Variants in GAL3ST2 observed in about 807,000 individuals in gnomAD.
The protein encoded by GAL3ST2 is beta-galactose-3-O-sulfotransferase 2.
A neutral mutation model predicts 12.9 loss-of-function variants in GAL3ST2; 16 were observed. That is an observed-to-expected ratio of 1.24 (90% confidence interval 0.84 to 1.88). The LOEUF (loss-of-function observed/expected upper bound fraction) is 1.88. Among genes scored for constraint, GAL3ST2 ranks in the 40% most tolerant of loss-of-function variants. The probability of loss-of-function intolerance (pLI) is 0.00; values close to 1 mark genes in which losing one functional copy is unlikely to be tolerated. For synonymous variants in GAL3ST2, 302 were observed against 273.9 expected (o/e 1.10, Z -1.01); for missense variants, 639 against 571.8 (o/e 1.12, Z -1.20).
In GAL3ST2 at chr2:241,803,500, C is replaced by A. The variant is rs748382864; in HGVS notation, c.531C>A (p.Phe177Leu). 3.7e-6 allele frequency: 6 copies of A among 1,611,574 alleles called. No homozygotes were observed. Among genetic ancestry groups the A allele is most frequent in the Non-Finnish European group, 5.1e-6 (6 of 1,179,294 alleles). ...LDAFLASPRT[F>L]YNDSRHLRNV... is the part of the protein sequence containing the mutation. ...CGTTCCTGGCCTCGCCGCGGACGTT[C>A]TACAACGACAGCCGCCACCTCAGGA... is the stretch of plus-strand genomic sequence containing the variant. Residue 177 changes from phenylalanine (F) to leucine (L), a missense_variant, in exon 4 of 4, where the codon TTC becomes TTA. Transcript: ENST00000192314.
intron 1 of GAL3ST2, among the ~76,000 whole-genome samples, chr2:241,781,829 TA>T: frequency 6.6e-6 from 1 of 152,374 alleles, no homozygotes; most frequent in African/African-American, 2.4e-5. Context: ...ACGTAATTTA[TA>T]ATTTGATTTT....
chr2:241,789,717 G>A (rs1468307921), intron 1 of GAL3ST2, among the ~76,000 whole-genome samples: 1 of 152,132 alleles, frequency 6.6e-6, no homozygotes, highest in African/African-American at 2.4e-5. Context: ...CCCCGTCCCG[G>A]GGCATGGTGG....
Position 241,795,641 on chromosome 2 carries a change from C to G in GAL3ST2, c.30-3424C>G, listed in dbSNP as rs1699764119. ...CTGCCCTTCCCACCTCGTGCAGCCA[C>G]TCTCCCGGGGAGGGTCTTGGGAAGT... On this transcript the variant is annotated intron_variant, in intron 1 of 3. Coordinates refer to ENST00000192314, the MANE Select transcript of GAL3ST2 (RefSeq NM_022134.3). This position sits in a 1 kb window ranked among gnomAD's most constrained non-coding sequence, Gnocchi z 4.5. Among the ~76,000 whole-genome samples the G allele has an allele frequency of 6.6e-6, 1 of 152,228 alleles. No individual in the cohort carries two copies. Among genetic ancestry groups the G allele is most frequent in the African/African-American group, 2.4e-5 (1 of 41,462 alleles).
At chr2:241,790,984 A>C (rs1699687351) in intron 1 of GAL3ST2, among the ~76,000 whole-genome samples, 1 of 152,248 alleles carries the variant, frequency 6.6e-6, no homozygotes, top group Non-Finnish European at 1.5e-5. Context: ...AAAATGTTTA[A>C]ATTTCCCTGT....
chr2:241,781,487 C>A (rs1425044259), intron 1 of GAL3ST2, among the ~76,000 whole-genome samples: 3 of 152,050 alleles, frequency 2.0e-5, no homozygotes, highest in Non-Finnish European at 4.4e-5. Flanking sequence ...ACAACAATTG[C>A]CTGTGGATGA....
chr2:241,803,281 C>A, intron 3 of GAL3ST2, 64 bp from the exon 4 acceptor site: 2 of 1,396,520 alleles, frequency 1.4e-6, no homozygotes, highest in Non-Finnish European at 1.9e-6. Context: ...GCGCCTCCTC[C>A]CCGCGGGTGG....
chr2:241,790,216 G>A (rs1461092080), intron 1 of GAL3ST2, among the ~76,000 whole-genome samples: 1 of 152,104 alleles, frequency 6.6e-6, no homozygotes, highest in Non-Finnish European at 1.5e-5. Context: ...TGATAACTTT[G>A]GGGATTGTGG....
rs200012064 is a variant in GAL3ST2, at chr2:241,793,804, ATGTT to A, written c.30-5257_30-5254del. On this transcript the variant is annotated intron_variant, in intron 1 of 3. Transcript: ENST00000192314. The surrounding 1 kb of genome is among the most constrained non-coding windows in gnomAD (Gnocchi z 4.7). ...TTGTGTGTGTGTGTATTGTGTGTGT[ATGTT>A]TGTGTGTGTGTTTAATCCTGGAGTG... 7.6e-3 allele frequency among the ~76,000 whole-genome samples: 1,154 copies of A among 151,682 alleles called. 14 individuals carry two copies. The highest frequency in any genetic ancestry group is 0.026 in the African/African-American group (1,077 of 41,350).
At chr2:241,797,009 T>G (rs1262772716) in intron 1 of GAL3ST2, among the ~76,000 whole-genome samples, 2 of 152,162 alleles carry the variant, frequency 1.3e-5, no homozygotes, top group Admixed American at 6.5e-5. Flanking sequence ...CAGCCATCCT[T>G]GAAACACTCT....
chr2:241,785,318 G>A (rs946838052), intron 1 of GAL3ST2, among the ~76,000 whole-genome samples: 2 of 152,128 alleles, frequency 1.3e-5, no homozygotes, highest in East Asian at 1.9e-4. Flanking sequence ...TTGGGAGGCC[G>A]AGGTGGGTGG....
At position 241,803,653 on chromosome 2, in the gene GAL3ST2, G is replaced by A; in HGVS notation, c.684G>A (p.Glu228=). ...ERRFRLVLIA[E]HLDESLVLLR... is the part of the protein sequence containing the mutation. ...GCTTCCGGCTGGTGCTCATCGCCGAGCACCTGGACGAGTCCCTGGTGCTGC... is the reference window on the plus strand; with the variant it reads ...GCTTCCGGCTGGTGCTCATCGCCGAACACCTGGACGAGTCCCTGGTGCTGC... The change falls in exon 4 of 4, where the codon GAG becomes GAA. Residue 228 remains glutamate, a synonymous_variant. Transcript: ENST00000192314. 6.5e-7 allele frequency: 1 copy of A among 1,550,004 alleles called. No individual in the cohort carries two copies. The highest frequency in any genetic ancestry group is 8.7e-7 in the Non-Finnish European group (1 of 1,146,438).
In GAL3ST2 at chr2:241,799,166, C is replaced by T. The variant is rs1699813352; in HGVS notation, c.119+12C>T. ...GAGCTGGACACACCGTAAGTCCTGC[C>T]CCCACCATAAGTCCTGCCCCGGGTA... On this transcript the variant is annotated intron_variant, in intron 2 of 3. Coordinates refer to ENST00000192314, the MANE Select transcript of GAL3ST2 (RefSeq NM_022134.3). 2 of 1,611,506 alleles carry T rather than the reference C, an allele frequency of 1.2e-6. No individual in the cohort carries two copies. Among genetic ancestry groups the T allele is most frequent in the Admixed American group, 1.7e-5 (1 of 59,990 alleles).
chr2:241,790,700 C>T (rs537254278), intron 1 of GAL3ST2, among the ~76,000 whole-genome samples: 5 of 152,344 alleles, frequency 3.3e-5, no homozygotes, highest in South Asian at 4.1e-4. Flanking sequence ...TGCCCTACAA[C>T]GTCTCTTGTG....
In GAL3ST2 at chr2:241,801,770, T is replaced by C. The variant is rs542709814; in HGVS notation, c.120-11T>C. 69 of 1,610,448 alleles carry C rather than the reference T, an allele frequency of 4.3e-5. No individual in the cohort carries two copies. The South Asian group carries it at 6.9e-4, about 16-fold the overall frequency. Reference sequence around the variant, plus strand: ...ACCCTTGCTGAAGGCTGCGTGTGCCTTCCCTCCCAGCCTGTTTGGGGGCCA... The same window carrying C: ...ACCCTTGCTGAAGGCTGCGTGTGCCCTCCCTCCCAGCCTGTTTGGGGGCCA... On this transcript the variant is annotated splice_polypyrimidine_tract_variant and intron_variant, in intron 2 of 3. Transcript: ENST00000192314. The surrounding 1 kb of genome is among the most constrained non-coding windows in gnomAD (Gnocchi z 4.4).
At chr2:241,798,688 TG>T (rs1699804629) in intron 1 of GAL3ST2, among the ~76,000 whole-genome samples, 1 of 152,134 alleles carries the variant, frequency 6.6e-6, no homozygotes, top group African/African-American at 2.4e-5. Context: ...CCTGGGGGCC[TG>T]GGGGTCTCCG....
intron 1 of GAL3ST2, among the ~76,000 whole-genome samples, chr2:241,794,879 A>G (rs899228715): frequency 6.6e-6 from 1 of 152,214 alleles, no homozygotes. Context: ...GTCAGCTTTC[A>G]AGGTTTTTAG....
At chr2:241,792,842 C>T (rs1699710189) in intron 1 of GAL3ST2, among the ~76,000 whole-genome samples, 1 of 152,190 alleles carries the variant, frequency 6.6e-6, no homozygotes, top group African/African-American at 2.4e-5. Flanking sequence ...ACCTGCCCCC[C>T]ATTGTATTCA....
At chr2:241,777,613 G>A (rs1699503819) in intron 1 of GAL3ST2, among the ~76,000 whole-genome samples, 1 of 152,152 alleles carries the variant, frequency 6.6e-6, no homozygotes, top group Non-Finnish European at 1.5e-5. Flanking sequence ...CCCTGCGCTG[G>A]CAGGTCCCTG....
intron 1 of GAL3ST2, among the ~76,000 whole-genome samples, chr2:241,786,016 T>G (rs1699622653): frequency 6.6e-6 from 1 of 152,222 alleles, no homozygotes; most frequent in South Asian, 2.1e-4. Context: ...CTCTTTCAAT[T>G]TGGTCTGGCT....
Sources: allele counts gnomAD v4.1 joint callset (sites outside exome capture counted in the v4.1 genomes callset), GRCh38; gene constraint gnomAD v4.1.1; non-coding constraint Gnocchi (gnomAD v3.1); transcripts MANE v1.5; gene names NCBI Gene and HGNC (gene_info 2026-07-23, HGNC 2026-07-21).